Variants in GOLGA6L2 observed in about 807,000 individuals in gnomAD.
GOLGA6L2 encodes the protein golgin A6 family like 2, also known as golgin subfamily A member 6-like protein 2.
GOLGA6L2 carries 30 observed loss-of-function variants against 35.9 expected under a neutral mutation model. That is an observed-to-expected ratio of 0.83 (90% CI 0.62 to 1.13). The LOEUF is 1.13. Ranked by LOEUF, GOLGA6L2 falls within the 50% of genes most tolerant of loss-of-function variation. GOLGA6L2 has a pLI of 0.00. For missense variants in GOLGA6L2, 821 were observed against 973.4 expected (o/e 0.84, Z 2.08); for synonymous variants, 297 against 344.0 (o/e 0.86, Z 1.51).
At chr15:23,444,135 G>A (rs1424763159) in intron 4 of GOLGA6L2, 27 bp downstream of exon 4, 1 of 1,600,706 alleles carries the variant, frequency 6.2e-7, no homozygotes, top group African/African-American at 1.3e-5. Context: ...CCAGAGGACA[G>A]GAGGGAACTT....
At chr15:23,444,563 G>A in intron 2 of GOLGA6L2, 63 bp from the exon 3 acceptor site, 1 of 1,503,182 alleles carries the variant, frequency 6.7e-7, no homozygotes, top group Non-Finnish European at 9.1e-7. Context: ...CCCCAGGCCA[G>A]GAAGCGGTAC....
At position 23,447,166 on chromosome 15, in the gene GOLGA6L2, G is replaced by T. The variant is rs1366234733; in HGVS notation, c.16C>A (p.His6Asn). The T allele has an allele frequency of 1.9e-6, 3 of 1,579,164 alleles. No homozygotes were observed. The highest frequency in any genetic ancestry group is 2.6e-6 in the Non-Finnish European group (3 of 1,151,754). ...GACATCATGGGGTGGGGAGGGAGGT[G>T]GGGTTGGGGCCACATCAGCGTGATT... MWPQP[H>N]LPPHPMMSEK... Residue 6 changes from histidine (H) to asparagine (N), a missense_variant, in exon 1 of 8, where the codon CAC (histidine) becomes AAC (asparagine). By Grantham distance (68) the His-to-Asn change is moderately conservative (BLOSUM62 1). Coordinates refer to ENST00000567107, the MANE Select transcript of GOLGA6L2 (RefSeq NM_001304388.2).
At position 23,444,057 on chromosome 15, in the gene GOLGA6L2, A is replaced by G. The variant is rs117712234; in HGVS notation, c.311T>C (p.Ile104Thr). The change falls in exon 5 of 8, where the codon ATA becomes ACA. Residue 104 changes from isoleucine (I) to threonine (T), a missense_variant. Physicochemically the swap from Ile to Thr is moderately conservative, Grantham distance 89 (BLOSUM62 -1). This residue lies in a region of GOLGA6L2 where 614 missense variants were observed against 632.3 expected (regional missense o/e 0.97). Coordinates refer to ENST00000567107, the MANE Select transcript of GOLGA6L2 (RefSeq NM_001304388.2). ...AGTTTTCTGACACGTGAGAATTCGT[A>G]TTGTATGATCCTGGGCCTTTGGGAG... ...RREIEAQDHTIRILTCQKTEL... is the reference protein window; with the variant it reads ...RREIEAQDHTTRILTCQKTEL... The G allele has an allele frequency of 5.7e-3, 8,964 of 1,562,880 alleles. 38 individuals are homozygous for G. Among genetic ancestry groups the G allele is most frequent in the Non-Finnish European group, 7.1e-3 (8,272 of 1,159,964 alleles).
rs560329487 is a variant in GOLGA6L2, at chr15:23,443,375, C to T, written c.591+402G>A. 4.6e-4 allele frequency among the ~76,000 whole-genome samples: 35 copies of T among 75,700 alleles called. No individual in the cohort carries two copies. In the South Asian group the frequency reaches 9.1e-3, roughly 20 times the overall value. The allele number at this position is 75,700 out of a possible 152,430, so 49.7% of individuals were successfully genotyped here. A position where few individuals can be genotyped will look rare whatever the true frequency, so the allele number is the denominator to read the frequency against. On this transcript the variant is annotated intron_variant, in intron 5 of 7. Transcript: ENST00000567107. Reference sequence around the variant, plus strand: ...TGTTTTTATGTATGTTACCATAATACGTACACACACACACACACACACACA... The same window carrying T: ...TGTTTTTATGTATGTTACCATAATATGTACACACACACACACACACACACA...
Position 23,440,892 on chromosome 15 carries a change from C to G in GOLGA6L2, c.1583G>C (p.Gly528Ala). 6.7e-7 allele frequency: 1 copy of G among 1,482,270 alleles called. No homozygotes were observed. Among genetic ancestry groups the G allele is most frequent in the Non-Finnish European group, 9.0e-7 (1 of 1,105,548 alleles). 91.8% of individuals were successfully genotyped at this position (1,482,270 alleles called of 1,614,324 possible). A position where few individuals can be genotyped will look rare whatever the true frequency, so the allele number is the denominator to read the frequency against. Residue 528 changes from glycine (G) to alanine (A), a missense_variant, in exon 8 of 8, where the codon GGG becomes GCG. This residue lies in a region of GOLGA6L2 where 614 missense variants were observed against 632.3 expected (regional missense o/e 0.97). Coordinates refer to ENST00000567107, the MANE Select transcript of GOLGA6L2 (RefSeq NM_001304388.2). ...CTGCCGCCACATCTTCTTCTCCTGCCCCCACATCTCCTCCTGGTCCCGTAT... is the reference window on the plus strand; with the variant it reads ...CTGCCGCCACATCTTCTTCTCCTGCGCCCACATCTCCTCCTGGTCCCGTAT... Reference protein sequence around the residue: ...EKIRDQEEMWGQEKKMWRQEK... With the variant: ...EKIRDQEEMWAQEKKMWRQEK...
chr15:23,440,535 G>T lies in GOLGA6L2; in HGVS notation c.1940C>A (p.Ala647Glu), dbSNP rs1297427887. ...TCCTGCATCTTCTCCTCCTGCTCCC[G>T]CATCATCTCCTCCTCCTCCCGCATC... ...EEDAGGGGDD[A>E]GAGGEDAGAG... is the part of the protein sequence containing the mutation. The change falls in exon 8 of 8, where the codon GCG (alanine) becomes GAG (glutamate). Residue 647 changes from alanine (A) to glutamate (E), a missense_variant. By Grantham distance (107) the Ala-to-Glu change is moderately radical. Around this residue, in one of 7 missense-constraint regions of GOLGA6L2, gnomAD observed 99 missense variants for 199.9 expected, o/e 0.50. Coordinates refer to ENST00000567107, the MANE Select transcript of GOLGA6L2 (RefSeq NM_001304388.2). 3.3e-6 allele frequency: 4 copies of T among 1,202,436 alleles called. No individual in the cohort carries two copies. The highest frequency in any genetic ancestry group is 4.8e-6 in the Non-Finnish European group (4 of 841,890). The allele number at this position is 1,202,436 out of a possible 1,614,324, so 74.5% of individuals were successfully genotyped here.
rs1247343524 is a variant in GOLGA6L2 at position 23,442,372 on chromosome 15, A to G, written c.650+78T>C. 5 of 1,156,866 alleles carry G rather than the reference A, an allele frequency of 4.3e-6. 1 individual carries two copies. The highest frequency in any genetic ancestry group is 6.0e-6 in the Non-Finnish European group (5 of 829,904). The allele number at this position is 1,156,866 out of a possible 1,614,324, so 71.7% of individuals were successfully genotyped here. On this transcript the variant is annotated intron_variant, in intron 6 of 7. Transcript: ENST00000567107. ...ACCTGTATGACCCCCTACCATGCTC[A>G]CCTGTACCCCCCACCTCCCAGCACA...
intron 1 of GOLGA6L2, among the ~76,000 whole-genome samples, chr15:23,446,369 C>G (rs955290522): frequency 3.9e-5 from 6 of 152,204 alleles, no homozygotes; most frequent in African/African-American, 1.4e-4. Flanking sequence ...CCTGAAACTT[C>G]TCGCTGCTAG....
intron 6 of GOLGA6L2, 145 bp downstream of exon 6, chr15:23,442,305 G>C (rs1229204840): frequency 2.6e-6 from 3 of 1,159,602 alleles, no homozygotes; most frequent in Admixed American, 2.1e-5. Context: ...CCATGAGTCA[G>C]TGGCACAGCC....
Position 23,439,153 on chromosome 15 carries a change from C to CTTTTTTTTT in GOLGA6L2, c.*583_*591dup, listed in dbSNP as rs3038535. ...AGATATCAGAGTCCTCAGGTAGAAA[C>CTTTTTTTTT]TTTTTTTTTTTTTTTGAGATGGAAT... is the stretch of plus-strand genomic sequence containing the variant. On this transcript the variant is annotated 3_prime_UTR_variant, in exon 8 of 8. Transcript: ENST00000567107. Among the ~76,000 whole-genome samples the CTTTTTTTTT allele has an allele frequency of 7.2e-6, 1 of 138,766 alleles. No individual in the cohort carries two copies. Among genetic ancestry groups the CTTTTTTTTT allele is most frequent in the Admixed American group, 7.3e-5 (1 of 13,674 alleles). 91.0% of individuals were successfully genotyped at this position (138,766 alleles called of 152,430 possible).
chr15:23,439,529 G>T lies in GOLGA6L2; in HGVS notation c.*216C>A. ...GGCTTATGCTTCTGTAGGCCTTGTT[G>T]ACAGTGCCAACTTTTAGATATTGAT... On this transcript the variant is annotated 3_prime_UTR_variant, in exon 8 of 8. Coordinates refer to ENST00000567107, the MANE Select transcript of GOLGA6L2 (RefSeq NM_001304388.2). 7.1e-7 allele frequency: 1 copy of T among 1,400,118 alleles called. No homozygotes were observed. The highest frequency in any genetic ancestry group is 9.5e-7 in the Non-Finnish European group (1 of 1,054,908). 86.7% of individuals were successfully genotyped at this position (1,400,118 alleles called of 1,614,324 possible).
At chr15:23,444,243 A>AG in intron 3 of GOLGA6L2, 31 bp from the exon 4 acceptor site, 1 of 1,598,082 alleles carries the variant, frequency 6.3e-7, no homozygotes, top group South Asian at 1.1e-5. Context: ...AGCTCTTACT[A>AG]GGGGGAGGCA....
In GOLGA6L2 at chr15:23,444,553, C is replaced by T; in HGVS notation, c.214-53G>A. 1.9e-6 allele frequency: 3 copies of T among 1,557,236 alleles called. No individual in the cohort carries two copies. In the South Asian group the frequency reaches 3.3e-5, roughly 17 times the overall value. Reference sequence around the variant, plus strand: ...TGAGGGTGGCCCCCTGGACTCTATTCCCCAGGCCAGGAAGCGGTACGCAGG... The same window carrying T: ...TGAGGGTGGCCCCCTGGACTCTATTTCCCAGGCCAGGAAGCGGTACGCAGG... On this transcript the variant is annotated intron_variant, in intron 2 of 7. Coordinates refer to ENST00000567107, the MANE Select transcript of GOLGA6L2 (RefSeq NM_001304388.2).
At position 23,441,450 on chromosome 15, in the gene GOLGA6L2, T is replaced by TCC. The variant is rs758484842; in HGVS notation, c.1024_1025insGG (p.Lys342ArgfsTer637). On this transcript the variant is annotated frameshift_variant, in exon 8 of 8. Transcript: ENST00000567107. LOFTEE classifies it low-confidence loss of function (END_TRUNC). ...CATCTGCTCCTCCTGCTCCCGCAGC[T>TCC]TCTTCTGCTCCCGCAGCTCCTTCTC... 1.1e-4 allele frequency: 157 copies of TCC among 1,405,828 alleles called. 1 individual carries two copies. In the African/African-American group the frequency reaches 1.6e-3, roughly 14 times the overall value. 87.1% of individuals were successfully genotyped at this position (1,405,828 alleles called of 1,614,324 possible).
rs780214778 is a variant in GOLGA6L2 at position 23,441,451 on chromosome 15, T to TTCTGCTCCCGCAGCTC, written c.1023_1024insGAGCTGCGGGAGCAGA (p.Lys342GlufsTer310). Reference sequence around the variant, plus strand: ...ATCTGCTCCTCCTGCTCCCGCAGCTTCTTCTGCTCCCGCAGCTCCTTCTCC... The same window carrying TTCTGCTCCCGCAGCTC: ...ATCTGCTCCTCCTGCTCCCGCAGCTTTCTGCTCCCGCAGCTCCTTCTGCTCCCGCAGCTCCTTCTCC... On this transcript the variant is annotated frameshift_variant, in exon 8 of 8. Coordinates refer to ENST00000567107, the MANE Select transcript of GOLGA6L2 (RefSeq NM_001304388.2). LOFTEE classifies it low-confidence loss of function (END_TRUNC). 151 of 1,541,262 alleles carry TTCTGCTCCCGCAGCTC rather than the reference T, an allele frequency of 9.8e-5. 1 individual carries two copies. The African/African-American group carries it at 1.5e-3, about 15-fold the overall frequency.
At chr15:23,446,611 AG>A (rs1886789571) in intron 1 of GOLGA6L2, among the ~76,000 whole-genome samples, 1 of 152,066 alleles carries the variant, frequency 6.6e-6, no homozygotes, top group Admixed American at 6.6e-5. Flanking sequence ...GAGGTTGGGG[AG>A]GGGTTCGCAG....
chr15:23,442,086 C>G lies in GOLGA6L2; in HGVS notation c.685G>C (p.Glu229Gln), dbSNP rs574859628. The change falls in exon 7 of 8, where the codon GAA becomes CAA. Residue 229 changes from glutamate (E) to glutamine (Q), a missense_variant. Physicochemically the swap from Glu to Gln is conservative, Grantham distance 29. Transcript: ENST00000567107. ...GCAAGTCGAAGTTTTTCTTGTAGTT[C>G]GGCATTTTTCTTCTTCAGCTCCTCA... Reference protein sequence around the residue: ...TNEELKKKNAELQEKLRLAES... With the variant: ...TNEELKKKNAQLQEKLRLAES... 6.5e-7 allele frequency: 1 copy of G among 1,549,442 alleles called. No homozygotes were observed. Among genetic ancestry groups the G allele is most frequent in the Admixed American group, 1.9e-5 (1 of 52,628 alleles).
chr15:23,444,635 G>A (rs1474663029), intron 2 of GOLGA6L2, 135 bp from the exon 3 acceptor site: 32 of 743,540 alleles, frequency 4.3e-5, no homozygotes, highest in Non-Finnish European at 6.6e-5. Flanking sequence ...ACATGAAGTG[G>A]TAAACTCTCA....
rs2070622433 is a variant in GOLGA6L2, at chr15:23,439,480, A to T, written c.*265T>A. Reference sequence around the variant, plus strand: ...TTTTTTTTTTCAAGTTTGTGCTCAGACTATATTCACACAGTGACATGGCGG... The same window carrying T: ...TTTTTTTTTTCAAGTTTGTGCTCAGTCTATATTCACACAGTGACATGGCGG... On this transcript the variant is annotated 3_prime_UTR_variant, in exon 8 of 8. Transcript: ENST00000567107. 6 of 786,990 alleles carry T rather than the reference A, an allele frequency of 7.6e-6. No homozygotes were observed. The highest frequency in any genetic ancestry group is 7.8e-6 in the Non-Finnish European group (4 of 515,164). 48.8% of individuals were successfully genotyped at this position (786,990 alleles called of 1,614,324 possible). A position where few individuals can be genotyped will look rare whatever the true frequency, so the allele number is the denominator to read the frequency against.
Sources: allele counts gnomAD v4.1 joint callset (sites outside exome capture counted in the v4.1 genomes callset), GRCh38; gene constraint gnomAD v4.1.1; regional missense constraint gnomAD v4.1.1; transcripts MANE v1.5; gene names NCBI Gene and HGNC (gene_info 2026-07-23, HGNC 2026-07-21).